Variants in AGBL1 observed in about 807,000 individuals in gnomAD.
AGBL1 encodes the protein cytosolic carboxypeptidase 4.
In AGBL1, 130 loss-of-function variants were observed where a neutral mutation model predicts 118.9. That is an observed-to-expected ratio of 1.09 (90% CI 0.95 to 1.26). AGBL1 has a LOEUF of 1.26. Ranked by LOEUF, AGBL1 falls within the 50% of genes most tolerant of loss-of-function variation. The probability of loss-of-function intolerance (pLI) is 0.00; values close to 1 mark genes in which losing one functional copy is unlikely to be tolerated. For synonymous variants in AGBL1, 555 were observed against 478.9 expected, an observed-to-expected ratio of 1.16 and a Z score of -2.08; for missense variants, 1,584 against 1,298.1, an observed-to-expected ratio of 1.22 and a Z score of -3.38.
intron 18 of AGBL1, among the ~76,000 whole-genome samples, chr15:86,460,619 C>T (rs1000469378): frequency 3.9e-5 from 6 of 152,298 alleles, no homozygotes; most frequent in South Asian, 2.1e-4. Flanking sequence ...GGGCCTGAGA[C>T]GAACTTGGGA....
intron 18 of AGBL1, among the ~76,000 whole-genome samples, chr15:86,483,459 G>A (rs1210597628): frequency 1.3e-5 from 2 of 152,118 alleles, no homozygotes; most frequent in Non-Finnish European, 2.9e-5. Context: ...TAGCGAGGGA[G>A]GAGGTATAAT....
intron 24 of AGBL1, among the ~76,000 whole-genome samples, chr15:86,994,315 A>G (rs571522058): frequency 2.6e-5 from 4 of 151,988 alleles, no homozygotes; most frequent in Non-Finnish European, 5.9e-5. Flanking sequence ...CTCTCTCTAT[A>G]TATATATATC....
chr15:86,745,783 C>T (rs894672663), intron 22 of AGBL1, among the ~76,000 whole-genome samples: 1 of 152,084 alleles, frequency 6.6e-6, no homozygotes, highest in African/African-American at 2.4e-5. Context: ...GCAGTTAAAA[C>T]ATCTTGTTAA....
Position 86,154,530 on chromosome 15 carries a change from T to A in AGBL1, c.363T>A (p.Cys121Ter). The A allele has an allele frequency of 1.9e-6, 3 of 1,611,818 alleles. No homozygotes were observed. Among genetic ancestry groups the A allele is most frequent in the Non-Finnish European group, 2.5e-6 (3 of 1,178,808 alleles). The change falls in exon 4 of 23, where the codon TGT (cysteine) becomes TGA (stop). Residue 121 changes from cysteine (C) to a stop codon, truncating the protein, a stop_gained. Transcript: ENST00000614907. LOFTEE classifies it high-confidence loss of function. ...CCCATGGCCAGAATCTCCTCCACTGTCTCTGGGCTCTGCGTGTGTTTGCCT... is the reference window on the plus strand; with the variant it reads ...CCCATGGCCAGAATCTCCTCCACTGACTCTGGGCTCTGCGTGTGTTTGCCT... ...NLSHGQNLLH[C>*]LWALRVFASS... is the part of the protein sequence containing the mutation.
At chr15:86,471,983 G>A (rs1297528961) in intron 18 of AGBL1, among the ~76,000 whole-genome samples, 1 of 152,186 alleles carries the variant, frequency 6.6e-6, no homozygotes, top group African/African-American at 2.4e-5. Context: ...AGACACACAA[G>A]AGAGGACACA....
At chr15:86,287,415 G>A (rs1418826981) in intron 16 of AGBL1, among the ~76,000 whole-genome samples, 1 of 152,124 alleles carries the variant, frequency 6.6e-6, no homozygotes, top group Non-Finnish European at 1.5e-5. Flanking sequence ...TCATAGTTAA[G>A]AAATCGCTTC....
rs1774412218 is a variant in AGBL1 at position 86,271,653 on chromosome 15, T to C, written c.2022T>C (p.Ala674=). The stretch of plus-strand genomic sequence containing the variant: ...CCACCCTATATTCTGTGAAGGAGGC[T>C]CTTCTTGGCAAACCCACCTGGATAA... ...MQPTLYSVKE[A]LLGKPTWIRT... is the part of the protein sequence containing the mutation. The change falls in exon 15 of 23, where the codon GCT becomes GCC. Residue 674 remains alanine (A), a synonymous_variant. Transcript: ENST00000614907. 6.2e-7 allele frequency: 1 copy of C among 1,613,398 alleles called. No individual in the cohort carries two copies. The highest frequency in any genetic ancestry group is 1.7e-5 in the Admixed American group (1 of 60,026).
intron 1 of AGBL1, chr15:86,086,487 A>G (rs754107075): frequency 1.3e-5 from 2 of 152,212 alleles, no homozygotes; most frequent in Non-Finnish European, 2.9e-5. Flanking sequence ...AGAGAAAAAG[A>G]TGATATGAGA....
At chr15:86,348,759 C>A (rs1222698993) in intron 17 of AGBL1, among the ~76,000 whole-genome samples, 1 of 137,592 alleles carries the variant, frequency 7.3e-6, no homozygotes. Context: ...GCCTGGGTGA[C>A]AGAGCGCGAC....
chr15:86,334,103 T>C (rs2080319027), intron 17 of AGBL1, among the ~76,000 whole-genome samples: 1 of 152,130 alleles, frequency 6.6e-6, no homozygotes, highest in Non-Finnish European at 1.5e-5. Flanking sequence ...TAAAGCATTC[T>C]TTCTGAGAAC....
At chr15:86,368,924 A>C (rs2080930696) in intron 17 of AGBL1, among the ~76,000 whole-genome samples, 1 of 152,220 alleles carries the variant, frequency 6.6e-6, no homozygotes, top group Non-Finnish European at 1.5e-5. Flanking sequence ...GATAAAAAGA[A>C]AATTTGAGAA....
At chr15:86,556,134 A>T (rs1258196412) in intron 21 of AGBL1, 1 of 1,104,290 alleles carries the variant, frequency 9.1e-7, no homozygotes, top group East Asian at 2.6e-5. Flanking sequence ...CATTCACAAT[A>T]AATCAGCTGG....
intron 21 of AGBL1, among the ~76,000 whole-genome samples, chr15:86,577,785 C>T (rs1393561358): frequency 6.6e-6 from 1 of 152,216 alleles, no homozygotes; most frequent in Admixed American, 6.5e-5. Flanking sequence ...AGCCCCAAGC[C>T]TTGGCAGCTT....
At chr15:86,279,882 A>G in intron 16 of AGBL1, 99 bp downstream of exon 16, 5 of 1,455,410 alleles carry the variant, frequency 3.4e-6, no homozygotes, top group Non-Finnish European at 4.7e-6. Flanking sequence ...GATGGGGTGC[A>G]GAGGGGAATG....
In AGBL1 at chr15:86,908,261, A is replaced by G. The variant is rs1208933359; in HGVS notation, c.*967A>G. The G allele has an allele frequency of 1.3e-5, 2 of 152,206 alleles. No homozygotes were observed. The highest frequency in any genetic ancestry group is 4.8e-5 in the African/African-American group (2 of 41,444). 9.4% of individuals were successfully genotyped at this position (152,206 alleles called of 1,614,324 possible). ...CTTATTTTTCTTCATAACACAAAAG[A>G]ACATTCTATATAAGAATTCTGACAG... is the stretch of plus-strand genomic sequence containing the variant. On this transcript the variant is annotated 3_prime_UTR_variant, in exon 23 of 23. Transcript: ENST00000614907.
At chr15:86,789,012 A>C (rs2078454558) in intron 22 of AGBL1, among the ~76,000 whole-genome samples, 1 of 152,216 alleles carries the variant, frequency 6.6e-6, no homozygotes, top group African/African-American at 2.4e-5. Flanking sequence ...AGTAGATCAC[A>C]CTGCAAAATC....
chr15:86,644,318 A>T (rs2085241641), intron 21 of AGBL1, among the ~76,000 whole-genome samples: 2 of 152,146 alleles, frequency 1.3e-5, no homozygotes, highest in Non-Finnish European at 2.9e-5. Flanking sequence ...GGATTGCTTG[A>T]GGCCAGGAGT....
chr15:86,568,892 T>A (rs1247824661), intron 21 of AGBL1, among the ~76,000 whole-genome samples: 2 of 152,212 alleles, frequency 1.3e-5, no homozygotes, highest in African/African-American at 4.8e-5. Context: ...CCAGAAATTT[T>A]TTTAATGACA....
chr15:86,948,963 C>T (rs2080852299), intron 23 of AGBL1, among the ~76,000 whole-genome samples: 1 of 152,154 alleles, frequency 6.6e-6, no homozygotes, highest in African/African-American at 2.4e-5. Context: ...TCTAACTGCT[C>T]TCGTGCTACA....
Sources: allele counts gnomAD v4.1 joint callset (sites outside exome capture counted in the v4.1 genomes callset), GRCh38; gene constraint gnomAD v4.1.1; transcripts MANE v1.5; gene names NCBI Gene and HGNC (gene_info 2026-07-23, HGNC 2026-07-21).